The following GABRB2 variants were observed in gnomAD, a reference collection of about 807,000 sequenced individuals.
GABRB2 encodes the protein gamma-aminobutyric acid type A receptor subunit beta2.
A neutral mutation model predicts 54.7 loss-of-function variants in GABRB2; 16 were observed. The observed-to-expected ratio is 0.29, with a 90% confidence interval of 0.20 to 0.44. GABRB2 has a LOEUF of 0.44. Ranked by LOEUF, GABRB2 falls within the 20% of genes least tolerant of loss-of-function variation. The pLI is 1.00. For missense variants in GABRB2, 355 were observed against 644.0 expected, an observed-to-expected ratio of 0.55 and a Z score of 4.86; for synonymous variants, 244 against 233.8, an observed-to-expected ratio of 1.04 and a Z score of -0.40.
At chr5:161,367,319 C>G (rs2910297) in intron 5 of GABRB2, among the ~76,000 whole-genome samples, 139,883 of 152,274 alleles carry the variant, frequency 0.92, 64,347 homozygotes, top group East Asian at 0.98. Context: ...ATATGGGGCT[C>G]TTGTGAAGAT....
At chr5:161,507,798 A>G (rs1019824862) in intron 3 of GABRB2, among the ~76,000 whole-genome samples, 1 of 152,092 alleles carries the variant, frequency 6.6e-6, no homozygotes, top group South Asian at 2.1e-4. Flanking sequence ...TAAAACCACA[A>G]TGAGATACCA....
chr5:161,330,396 T>C (rs962793069), intron 8 of GABRB2: 15 of 154,090 alleles, frequency 9.7e-5, no homozygotes, highest in African/African-American at 2.9e-4. Context: ...CACATCTGTA[T>C]ACTTGCTTAT....
At chr5:161,479,116 T>C (rs1373771289) in intron 3 of GABRB2, among the ~76,000 whole-genome samples, 1 of 152,066 alleles carries the variant, frequency 6.6e-6, no homozygotes, top group African/African-American at 2.4e-5. Context: ...TCCAAGAGAA[T>C]ACCTGATGGA....
At chr5:161,532,907 C>T (rs1760507861) in intron 3 of GABRB2, among the ~76,000 whole-genome samples, 1 of 152,106 alleles carries the variant, frequency 6.6e-6, no homozygotes, top group South Asian at 2.1e-4. Flanking sequence ...TGCATGCAAA[C>T]ACTGTCCATA....
At chr5:161,451,749 A>C (rs1445551923) in intron 4 of GABRB2, among the ~76,000 whole-genome samples, 1 of 152,244 alleles carries the variant, frequency 6.6e-6, no homozygotes, top group African/African-American at 2.4e-5. Context: ...CTATACATTC[A>C]TTGTTAATTT....
intron 5 of GABRB2, among the ~76,000 whole-genome samples, chr5:161,344,418 C>T (rs1754257917): frequency 6.6e-6 from 1 of 152,036 alleles, no homozygotes; most frequent in Non-Finnish European, 1.5e-5. Flanking sequence ...CATTGGATTT[C>T]TGCATCTTTT....
chr5:161,479,990 A>G (rs1758710552), intron 3 of GABRB2, among the ~76,000 whole-genome samples: 1 of 152,120 alleles, frequency 6.6e-6, no homozygotes, highest in African/African-American at 2.4e-5. Flanking sequence ...ACATACACCC[A>G]TACACACACA....
At chr5:161,484,641 A>T (rs1353729872) in intron 3 of GABRB2, among the ~76,000 whole-genome samples, 2 of 152,010 alleles carry the variant, frequency 1.3e-5, no homozygotes, top group Admixed American at 6.6e-5. Context: ...ATAAAGGGAC[A>T]TCCAAGGTCC....
chr5:161,309,834 T>C (rs1300879014), intron 9 of GABRB2, among the ~76,000 whole-genome samples: 1 of 152,120 alleles, frequency 6.6e-6, no homozygotes, highest in Non-Finnish European at 1.5e-5. Flanking sequence ...GGTTTCACCG[T>C]GTTAGCCAGG....
intron 5 of GABRB2, among the ~76,000 whole-genome samples, chr5:161,367,054 T>C (rs1302254593): frequency 3.9e-5 from 6 of 152,218 alleles, no homozygotes; most frequent in Admixed American, 3.9e-4. Context: ...GAAATTCAGA[T>C]ATTGCTCTAA....
intron 5 of GABRB2, among the ~76,000 whole-genome samples, chr5:161,370,937 C>T (rs962014395): frequency 6.6e-6 from 1 of 152,110 alleles, no homozygotes; most frequent in Non-Finnish European, 1.5e-5. Context: ...TCCCAGAGAG[C>T]AAGAAATAAT....
intron 3 of GABRB2, among the ~76,000 whole-genome samples, chr5:161,540,844 T>C (rs986628321): frequency 1.3e-5 from 2 of 151,982 alleles, no homozygotes; most frequent in African/African-American, 4.8e-5. Flanking sequence ...ATCTCATTAT[T>C]ATTATTATTA....
chr5:161,339,969 C>G (rs1561614116), intron 5 of GABRB2, among the ~76,000 whole-genome samples: 1 of 151,122 alleles, frequency 6.6e-6, no homozygotes, highest in Non-Finnish European at 1.5e-5. Context: ...TTTTTTTTTA[C>G]AAAAAAATGC....
chr5:161,472,856 T>C (rs1246869690), intron 3 of GABRB2, among the ~76,000 whole-genome samples: 1 of 152,000 alleles, frequency 6.6e-6, no homozygotes, highest in Non-Finnish European at 1.5e-5. Context: ...TGGTGACAAT[T>C]ATTACTTAAC....
At chr5:161,425,974 C>T (rs1276942753) in intron 4 of GABRB2, among the ~76,000 whole-genome samples, 1 of 151,972 alleles carries the variant, frequency 6.6e-6, no homozygotes, top group Non-Finnish European at 1.5e-5. Context: ...CATGTTGACC[C>T]AGTAGTATTA....
At chr5:161,314,253 C>G (rs944933092) in intron 9 of GABRB2, among the ~76,000 whole-genome samples, 1 of 152,192 alleles carries the variant, frequency 6.6e-6, no homozygotes, top group Non-Finnish European at 1.5e-5. Context: ...TAACCTGAAC[C>G]CTCTTTAGGG....
At position 161,293,580 on chromosome 5, in the gene GABRB2, T is replaced by A. The variant is rs1211531306; in HGVS notation, c.*501A>T. ...AGAATCTTTTAGAAACCAGTGGGAA[T>A]AATCTTCCCATGACACCATTATCAT... On this transcript the variant is annotated 3_prime_UTR_variant, in exon 10 of 10. Transcript: ENST00000393959. The A allele has an allele frequency of 6.5e-6, 1 of 154,264 alleles. No homozygotes were observed. Among genetic ancestry groups the A allele is most frequent in the African/African-American group, 2.4e-5 (1 of 41,474 alleles). The allele number at this position is 154,264 out of a possible 1,614,324, so 9.6% of individuals were successfully genotyped here.
rs201339879 is a variant in GABRB2 at position 161,460,272 on chromosome 5, G to A, written c.238-428C>T. Among the ~76,000 whole-genome samples, 320 of 85,316 alleles carry A rather than the reference G, an allele frequency of 3.8e-3. 2 individuals are homozygous for A. Among genetic ancestry groups the A allele is most frequent in the East Asian group, 0.029 (71 of 2,434 alleles). 56.0% of individuals were successfully genotyped at this position (85,316 alleles called of 152,430 possible). ...AGAAAACAAATTTATATATATATGT[G>A]TGTGTGTGTGTGTGTGTGTGTGTGT... On this transcript the variant is annotated intron_variant, in intron 3 of 9. Coordinates refer to ENST00000393959, the MANE Select transcript of GABRB2 (RefSeq NM_001371727.1).
intron 5 of GABRB2, among the ~76,000 whole-genome samples, chr5:161,337,339 T>C (rs1754023222): frequency 6.6e-6 from 1 of 152,198 alleles, no homozygotes; most frequent in Non-Finnish European, 1.5e-5. Context: ...ATCTGTTCAA[T>C]ATTCATGTAG....
Sources: gnomAD v4.1 joint callset for allele counts (sites outside exome capture counted in the v4.1 genomes callset) on GRCh38, gnomAD v4.1.1 for gene constraint, MANE v1.5 for transcripts, NCBI Gene and HGNC (gene_info 2026-07-23, HGNC 2026-07-21) for gene names.